Variants in ANK1 observed in about 807,000 individuals in gnomAD.
The protein encoded by ANK1 is ankyrin-1.
A neutral mutation model predicts 210.4 loss-of-function variants in ANK1; 51 were observed. The observed-to-expected ratio is 0.24, with a 90% CI of 0.19 to 0.31. ANK1 has a LOEUF of 0.31. Among genes scored for constraint, ANK1 ranks in the 10% least tolerant of loss-of-function variants. The pLI, the probability that ANK1 is intolerant of heterozygous loss-of-function variation, is 1.00. For synonymous variants in ANK1, 967 were observed against 1,025.9 expected (o/e 0.94, Z 1.10); for missense variants, 2,051 against 2,504.4 (o/e 0.82, Z 3.86).
At position 41,704,657 on chromosome 8, in the gene ANK1, G is replaced by A. The variant is rs1325440992; in HGVS notation, c.2098-185C>T. 6.6e-6 allele frequency among the ~76,000 whole-genome samples: 1 copy of A among 152,192 alleles called. No homozygotes were observed. Among genetic ancestry groups the A allele is most frequent in the African/African-American group, 2.4e-5 (1 of 41,458 alleles). On this transcript the variant is annotated intron_variant, in intron 18 of 42. Transcript: ENST00000289734. This position sits in a 1 kb window ranked among gnomAD's most constrained non-coding sequence, Gnocchi z 4.1. ...CTGAGATGCTTGTGGGAGACCCAAG[G>A]GGAGACGTCAAGCGGGCAACTGGAA... is the stretch of plus-strand genomic sequence containing the variant.
In ANK1 at chr8:41,672,377, C is replaced by T. The variant is rs765253536; in HGVS notation, c.5073G>A (p.Gln1691=). The change falls in exon 38 of 43, where the codon CAG becomes CAA. Residue 1691 remains glutamine (Q), a synonymous_variant. Transcript: ENST00000289734. ...ARITHSPTVS[Q]VTERSQDRLQ... is the part of the protein sequence containing the mutation. ...ACCTGTCCTGACTCCTCTCCGTCAC[C>T]TGACTCACGGTGGGGGAATGTGTGA... 3.1e-6 allele frequency: 5 copies of T among 1,614,232 alleles called. No homozygotes were observed. In the South Asian group the frequency reaches 4.4e-5, roughly 14 times the overall value.
chr8:41,825,225 G>A (rs1422549029), intron 1 of ANK1, among the ~76,000 whole-genome samples: 1 of 152,240 alleles, frequency 6.6e-6, no homozygotes, highest in East Asian at 1.9e-4. Context: ...TTCCATTCTA[G>A]TTTCCTACAA....
rs59985416 is a variant in ANK1, at chr8:41,703,450, A to ATATAT, written c.2295+590_2295+591insATATA. Among the ~76,000 whole-genome samples the ATATAT allele has an allele frequency of 4.5e-3, 265 of 58,814 alleles. 3 individuals are homozygous for ATATAT. The highest frequency in any genetic ancestry group is 6.5e-3 in the Non-Finnish European group (232 of 35,534). The allele number at this position is 58,814 out of a possible 152,430, so 38.6% of individuals were successfully genotyped here. On this transcript the variant is annotated intron_variant, in intron 20 of 42. Coordinates refer to ENST00000289734, the MANE Select transcript of ANK1 (RefSeq NM_000037.4). Reference sequence around the variant, plus strand: ...TATATATATATATATATATATATATATTTTTTTTTTTTTTTTAAGACACAA... The same window carrying ATATAT: ...TATATATATATATATATATATATATATATATTTTTTTTTTTTTTTTTAAGACACAA...
At chr8:41,700,759 T>C (rs1295021693) in intron 22 of ANK1, among the ~76,000 whole-genome samples, 1 of 152,116 alleles carries the variant, frequency 6.6e-6, no homozygotes, top group Admixed American at 6.5e-5. Flanking sequence ...GATACTATAG[T>C]AATTTCTTTC....
intron 37 of ANK1, among the ~76,000 whole-genome samples, chr8:41,682,355 C>G (rs577195437): frequency 1.6e-4 from 25 of 152,352 alleles, no homozygotes; most frequent in Non-Finnish European, 2.8e-4. Flanking sequence ...GCCCCGACTC[C>G]GGTCTGTTTC....
chr8:41,870,197 C>T (rs879108378), intron 1 of ANK1, among the ~76,000 whole-genome samples: 6 of 151,796 alleles, frequency 4.0e-5, no homozygotes, highest in South Asian at 2.1e-4. Context: ...CAGCAGAGAA[C>T]GCCAGTCTTT....
intron 3 of ANK1, among the ~76,000 whole-genome samples, chr8:41,733,122 A>G (rs941886097): frequency 6.6e-6 from 1 of 152,242 alleles, no homozygotes; most frequent in Non-Finnish European, 1.5e-5. Context: ...TTATTTTGCA[A>G]TCTATAGATG....
At chr8:41,843,820 C>G (rs1382364520) in intron 1 of ANK1, among the ~76,000 whole-genome samples, 2 of 152,196 alleles carry the variant, frequency 1.3e-5, no homozygotes, top group African/African-American at 4.8e-5. Context: ...AGGCAGGAAT[C>G]AGAGAGAGAC....
At chr8:41,693,013 G>A (rs1052817725) in intron 30 of ANK1, 92 bp downstream of exon 30, 10 of 1,508,186 alleles carry the variant, frequency 6.6e-6, no homozygotes, top group Middle Eastern at 1.7e-4. Context: ...ACATGGAGGG[G>A]ACAGTGAGGG....
intron 1 of ANK1, among the ~76,000 whole-genome samples, chr8:41,777,443 C>T (rs1337733836): frequency 2.6e-5 from 4 of 152,024 alleles, no homozygotes; most frequent in Non-Finnish European, 4.4e-5. Context: ...GGCGTGGTGG[C>T]GTGCACCTAT....
Position 41,696,457 on chromosome 8 carries a change from G to T in ANK1, c.2866C>A (p.Pro956Thr). The change falls in exon 26 of 43, where the codon CCC becomes ACC. Residue 956 changes from proline to threonine, a missense_variant. Coordinates refer to ENST00000289734, the MANE Select transcript of ANK1 (RefSeq NM_000037.4). ...PTRITCRLVK[P>T]QKLSTPPPLA... ...GGGGGCGGCGTGCTGAGCTTCTGGG[G>T]CTTGACCAGGCGGCAGGTGATGCGG... 1 of 1,613,338 alleles carries T rather than the reference G, an allele frequency of 6.2e-7. No individual in the cohort carries two copies.
intron 42 of ANK1, among the ~76,000 whole-genome samples, chr8:41,657,471 GTC>G (rs370282083): frequency 2.0e-5 from 3 of 152,332 alleles, no homozygotes; most frequent in African/African-American, 7.2e-5. Context: ...AAATGTTACC[GTC>G]TCTGTCCATC....
Position 41,843,034 on chromosome 8 carries a change from G to C in ANK1, c.126+53321C>G, listed in dbSNP as rs557838155. 2.0e-5 allele frequency among the ~76,000 whole-genome samples: 3 copies of C among 152,202 alleles called. No individual in the cohort carries two copies. The East Asian group carries it at 5.8e-4, about 30-fold the overall frequency. Reference sequence around the variant, plus strand: ...AGCTAATTTTTGTATTTTTAATAGAGACAGAGTTTCACCACATTGGCCAGG... The same window carrying C: ...AGCTAATTTTTGTATTTTTAATAGACACAGAGTTTCACCACATTGGCCAGG... On this transcript the variant is annotated intron_variant, in intron 1 of 42. Coordinates refer to the ANK1 transcript ENST00000265709.
chr8:41,701,671 A>AT (rs754312165), intron 21 of ANK1, 49 bp from the exon 22 acceptor site: 1 of 1,578,498 alleles, frequency 6.3e-7, no homozygotes, highest in Non-Finnish European at 8.7e-7. Flanking sequence ...AGCCGCACAC[A>AT]TTTTTTACCA....
At chr8:41,886,332 T>TG (rs1449953711) in intron 1 of ANK1, among the ~76,000 whole-genome samples, 3 of 152,222 alleles carry the variant, frequency 2.0e-5, no homozygotes, top group Non-Finnish European at 2.9e-5. Flanking sequence ...CCAACAGCCC[T>TG]GCATGGCTGT....
chr8:41,723,033 A>T lies in ANK1; in HGVS notation c.909+92T>A, dbSNP rs1178643652. 4 of 1,140,324 alleles carry T rather than the reference A, an allele frequency of 3.5e-6. No homozygotes were observed. The East Asian group carries it at 9.4e-5, about 27-fold the overall frequency. 70.6% of individuals were successfully genotyped at this position (1,140,324 alleles called of 1,614,324 possible). ...TGCTATCTCATCTAGTAGTATTAGC[A>T]TCTCTGTTTTACAGAAATAGGATTT... On this transcript the variant is annotated intron_variant, in intron 9 of 42. Coordinates refer to ENST00000289734, the MANE Select transcript of ANK1 (RefSeq NM_000037.4).
At chr8:41,849,978 C>A (rs931653220) in intron 1 of ANK1, among the ~76,000 whole-genome samples, 1 of 152,172 alleles carries the variant, frequency 6.6e-6, no homozygotes, top group East Asian at 1.9e-4. Context: ...CCTCTGATCA[C>A]GCTGTCAGAG....
intron 1 of ANK1, among the ~76,000 whole-genome samples, chr8:41,772,908 C>T (rs779497525): frequency 6.6e-6 from 1 of 152,080 alleles, no homozygotes; most frequent in Admixed American, 6.5e-5. Flanking sequence ...GCTGGTTTAT[C>T]GCCACTCAGA....
Position 41,725,886 on chromosome 8 carries a change from G to C in ANK1, c.487C>G (p.Leu163Val). The change falls in exon 6 of 43, where the codon CTC becomes GTC. Residue 163 changes from leucine (L) to valine (V), a missense_variant. Leu to Val is a conservative substitution (Grantham distance 32). Around this residue, in one of 6 missense-constraint regions of ANK1, gnomAD observed 1,413 missense variants for 1,707.4 expected, o/e 0.83. Transcript: ENST00000289734. ...QQGHENVVAH[L>V]INYGTKGKVR... is the part of the protein sequence containing the mutation. Reference sequence around the variant, plus strand: ...TTCCCCTTGGTGCCGTAGTTGATGAGGTGCGCGACGACGTTCTCATGGCCC... The same window carrying C: ...TTCCCCTTGGTGCCGTAGTTGATGACGTGCGCGACGACGTTCTCATGGCCC... 1 of 1,613,600 alleles carries C rather than the reference G, an allele frequency of 6.2e-7. No homozygotes were observed. The highest frequency in any genetic ancestry group is 8.5e-7 in the Non-Finnish European group (1 of 1,179,950).
Sources: gnomAD v4.1 joint callset for allele counts (sites outside exome capture counted in the v4.1 genomes callset) on GRCh38, gnomAD v4.1.1 for gene constraint, gnomAD v4.1.1 regional missense constraint, Gnocchi (gnomAD v3.1) non-coding constraint, MANE v1.5 for transcripts, NCBI Gene and HGNC (gene_info 2026-07-23, HGNC 2026-07-21) for gene names.